TBC1D32: variants seen among roughly 807,000 people sequenced by gnomAD.
TBC1D32 encodes protein broad-minded.
A neutral mutation model predicts 170.3 loss-of-function variants in TBC1D32; 151 were observed. That is an observed-to-expected ratio of 0.89 (90% CI 0.78 to 1.01). TBC1D32 has a LOEUF of 1.01. Among genes scored for constraint, TBC1D32 ranks in the 50% least tolerant of loss-of-function variants. The probability of loss-of-function intolerance (pLI) is 0.00; values close to 1 mark genes in which losing one functional copy is unlikely to be tolerated. For synonymous variants in TBC1D32, 498 were observed against 488.0 expected, an observed-to-expected ratio of 1.02 and a Z score of -0.27; for missense variants, 1,464 against 1,457.1, an observed-to-expected ratio of 1.00 and a Z score of -0.08.
At chr6:121,159,875 C>G in intron 24 of TBC1D32, 135 bp downstream of exon 24, 1 of 561,526 alleles carries the variant, frequency 1.8e-6, no homozygotes. Flanking sequence ...GAAAAAAATA[C>G]AAAGAAATAG....
At chr6:121,138,569 C>T (rs992405912) in intron 24 of TBC1D32, among the ~76,000 whole-genome samples, 5 of 152,176 alleles carry the variant, frequency 3.3e-5, no homozygotes, top group Admixed American at 6.5e-5. Flanking sequence ...ACTACCACTT[C>T]CCTCAGTTCA....
chr6:121,213,484 TA>T (rs1562933027), intron 21 of TBC1D32, among the ~76,000 whole-genome samples: 2,413 of 7,862 alleles, frequency 0.31, 159 homozygotes, highest in African/African-American at 0.36. Flanking sequence ...TAAAATAAAA[TA>T]AAATAAAATA....
chr6:121,094,773 T>C (rs1262036537), intron 30 of TBC1D32, among the ~76,000 whole-genome samples: 1 of 152,132 alleles, frequency 6.6e-6, no homozygotes, highest in African/African-American at 2.4e-5. Context: ...TAAACCACAA[T>C]TTATTCAATC....
chr6:121,278,439 A>G (rs1012402843), intron 15 of TBC1D32, among the ~76,000 whole-genome samples: 13 of 152,268 alleles, frequency 8.5e-5, no homozygotes, highest in Admixed American at 2.6e-4. Flanking sequence ...CTGGCTCAAC[A>G]TTTGAACATC....
At chr6:121,138,358 G>T (rs1044158358) in intron 24 of TBC1D32, among the ~76,000 whole-genome samples, 3 of 152,102 alleles carry the variant, frequency 2.0e-5, no homozygotes, top group Non-Finnish European at 4.4e-5. Context: ...AACAAATGAA[G>T]AATTAGTCTT....
intron 21 of TBC1D32, among the ~76,000 whole-genome samples, chr6:121,211,770 C>A (rs544418568): frequency 6.6e-5 from 10 of 152,230 alleles, no homozygotes; most frequent in African/African-American, 2.4e-4. Flanking sequence ...AAAGACTACA[C>A]CCCTCACTGG....
chr6:121,136,026 C>A (rs553604451), intron 24 of TBC1D32, among the ~76,000 whole-genome samples: 1 of 151,972 alleles, frequency 6.6e-6, no homozygotes, highest in South Asian at 2.1e-4. Context: ...TCTAATGCCC[C>A]CCAAAACTCC....
intron 3 of TBC1D32, among the ~76,000 whole-genome samples, chr6:121,315,937 ACTTT>A: frequency 6.6e-6 from 1 of 152,246 alleles, no homozygotes; most frequent in Admixed American, 6.5e-5. Flanking sequence ...GGCAGAGCTC[ACTTT>A]CAACCCAATT....
intron 5 of TBC1D32, among the ~76,000 whole-genome samples, chr6:121,305,457 T>A (rs1465558795): frequency 1.4e-4 from 21 of 151,924 alleles, no homozygotes; most frequent in Admixed American, 1.4e-3. Context: ...TTTATTAATA[T>A]CATGATAAGA....
intron 25 of TBC1D32, among the ~76,000 whole-genome samples, chr6:121,126,780 ATACC>A: frequency 6.6e-6 from 1 of 152,102 alleles, no homozygotes; most frequent in Admixed American, 6.6e-5. Flanking sequence ...TTATGCTATA[ATACC>A]TTACCTTTGT....
At chr6:121,086,224 A>G (rs1438125560) in intron 31 of TBC1D32, among the ~76,000 whole-genome samples, 1 of 152,062 alleles carries the variant, frequency 6.6e-6, no homozygotes, top group East Asian at 1.9e-4. Flanking sequence ...TTCTTCAACA[A>G]CCCTATGTGA....
intron 15 of TBC1D32, among the ~76,000 whole-genome samples, chr6:121,268,571 A>C (rs1800880675): frequency 6.6e-6 from 1 of 152,312 alleles, no homozygotes; most frequent in South Asian, 2.1e-4. Flanking sequence ...AAAAGGACTA[A>C]AAAGAAATGA....
intron 22 of TBC1D32, among the ~76,000 whole-genome samples, chr6:121,177,541 G>T (rs1787942762): frequency 6.6e-6 from 1 of 152,078 alleles, no homozygotes; most frequent in Non-Finnish European, 1.5e-5. Flanking sequence ...ATGTAAGAAT[G>T]GACTAATATA....
intron 21 of TBC1D32, among the ~76,000 whole-genome samples, chr6:121,215,481 C>A (rs534718049): frequency 6.6e-6 from 1 of 152,344 alleles, no homozygotes; most frequent in African/African-American, 2.4e-5. Flanking sequence ...ACGCCAAAAC[C>A]AATTGCGACA....
intron 31 of TBC1D32, among the ~76,000 whole-genome samples, chr6:121,088,269 T>C (rs150328269): frequency 3.3e-5 from 5 of 152,252 alleles, no homozygotes; most frequent in African/African-American, 9.6e-5. Context: ...TAAAGAATTA[T>C]TGATAAGTCT....
chr6:121,314,680 G>C (rs1436436437), intron 3 of TBC1D32, among the ~76,000 whole-genome samples: 1 of 152,180 alleles, frequency 6.6e-6, no homozygotes, highest in East Asian at 1.9e-4. Flanking sequence ...CGGAGGAAGA[G>C]AAAGACAGAA....
At chr6:121,195,574 C>T (rs1273776) in intron 22 of TBC1D32, among the ~76,000 whole-genome samples, 17,741 of 152,066 alleles carry the variant, frequency 0.12, 1,490 homozygotes, top group Admixed American at 0.23. Flanking sequence ...CATATGTGAT[C>T]GGGCTCGAGC....
At chr6:121,280,202 G>A (rs1802790089) in intron 14 of TBC1D32, among the ~76,000 whole-genome samples, 1 of 502 alleles carries the variant, frequency 2.0e-3, no homozygotes, top group Admixed American at 0.05. Flanking sequence ...CTTCTTTCAC[G>A]AGACTATATA....
intron 21 of TBC1D32, among the ~76,000 whole-genome samples, chr6:121,212,667 T>C (rs150059495): frequency 0.015 from 2,271 of 152,168 alleles, 39 homozygotes; most frequent in African/African-American, 0.044. Context: ...TTGGGCAGGC[T>C]GGTCTCAAAC....
Sources: allele counts gnomAD v4.1 joint callset (sites outside exome capture counted in the v4.1 genomes callset), GRCh38; gene constraint gnomAD v4.1.1; transcripts MANE v1.5; gene names NCBI Gene and HGNC (gene_info 2026-07-23, HGNC 2026-07-21).